The following ARPC1A variants were observed in gnomAD, a reference collection of about 807,000 sequenced individuals.
ARPC1A encodes actin related protein 2/3 complex subunit 1A, also known as actin-related protein 2/3 complex subunit 1A.
ARPC1A carries 8 observed loss-of-function variants against 46.9 expected under a neutral mutation model. The ratio of observed to expected loss-of-function variants is 0.17; its 90% CI spans 0.10 to 0.31. The LOEUF (loss-of-function observed/expected upper bound fraction) is 0.31, where lower values mean the gene tolerates loss of function less well. Ranked by LOEUF, ARPC1A falls within the 10% of genes least tolerant of loss-of-function variation. The probability of loss-of-function intolerance (pLI) is 1.00; values close to 1 mark genes in which losing one functional copy is unlikely to be tolerated. For missense variants in ARPC1A, 286 were observed against 483.6 expected, an observed-to-expected ratio of 0.59 and a Z score of 3.83; for synonymous variants, 152 against 169.0, an observed-to-expected ratio of 0.90 and a Z score of 0.78.
chr7:99,348,758 G>T, intron 4 of ARPC1A, 94 bp from the exon 5 acceptor site: 1 of 762,100 alleles, frequency 1.3e-6, no homozygotes, highest in Non-Finnish European at 2.1e-6. Context: ...GGAAAAGTGT[G>T]GCCTACTTAG....
intron 6 of ARPC1A, among the ~76,000 whole-genome samples, chr7:99,355,442 C>CACTTAA (rs1294167239): frequency 6.6e-6 from 1 of 152,056 alleles, no homozygotes; most frequent in East Asian, 1.9e-4. Flanking sequence ...TGATAAGGGT[C>CACTTAA]ACTTAAAAAG....
At chr7:99,363,920 T>G (rs896741087) in intron 9 of ARPC1A, among the ~76,000 whole-genome samples, 1 of 152,204 alleles carries the variant, frequency 6.6e-6, no homozygotes, top group African/African-American at 2.4e-5. Flanking sequence ...CAGTTTAATG[T>G]CCTAATGTAA....
chr7:99,343,482 AG>A (rs1793389342), intron 3 of ARPC1A, among the ~76,000 whole-genome samples: 1 of 151,378 alleles, frequency 6.6e-6, no homozygotes, highest in Non-Finnish European at 1.5e-5. Flanking sequence ...AAAAAAAGAA[AG>A]AAAAGAAAAG....
intron 8 of ARPC1A, among the ~76,000 whole-genome samples, chr7:99,362,328 C>T (rs1236653514): frequency 1.4e-5 from 2 of 142,704 alleles, no homozygotes; most frequent in African/African-American, 5.5e-5. Flanking sequence ...ATGTAAAACC[C>T]CGCCCCCCTT....
At chr7:99,327,304 A>T (rs182243515) in intron 1 of ARPC1A, among the ~76,000 whole-genome samples, 1 of 141,752 alleles carries the variant, frequency 7.1e-6, no homozygotes, top group African/African-American at 2.6e-5. Context: ...GCTAATTTTC[A>T]TTTATTTTTA....
intron 9 of ARPC1A, among the ~76,000 whole-genome samples, chr7:99,364,266 C>G (rs1242197422): frequency 7.3e-6 from 1 of 136,642 alleles, no homozygotes; most frequent in Non-Finnish European, 1.5e-5. Context: ...GGAGATCTCT[C>G]TCTTTTTTTT....
chr7:99,338,312 T>A, intron 3 of ARPC1A, 27 bp downstream of exon 3: 1 of 1,530,974 alleles, frequency 6.5e-7, no homozygotes, highest in Non-Finnish European at 9.0e-7. Context: ...GTGAGCTTAG[T>A]GTGATATTTC....
chr7:99,333,270 G>C, intron 1 of ARPC1A, 55 bp from the exon 2 acceptor site: 1 of 1,088,412 alleles, frequency 9.2e-7, no homozygotes, highest in Non-Finnish European at 1.4e-6. Flanking sequence ...CTTAAACATT[G>C]GTTACTTGCC....
At chr7:99,328,703 A>G (rs1297756067) in intron 1 of ARPC1A, among the ~76,000 whole-genome samples, 2 of 151,934 alleles carry the variant, frequency 1.3e-5, no homozygotes, top group African/African-American at 2.4e-5. Flanking sequence ...CAATCTTAAC[A>G]CTTTGGGAGG....
intron 4 of ARPC1A, among the ~76,000 whole-genome samples, chr7:99,348,362 C>A (rs539199672): frequency 6.6e-6 from 1 of 152,272 alleles, no homozygotes; most frequent in African/African-American, 2.4e-5. Flanking sequence ...ACATCAGGGC[C>A]AGGAGTGGAG....
intron 2 of ARPC1A, among the ~76,000 whole-genome samples, chr7:99,336,679 A>G (rs1283538078): frequency 6.6e-6 from 1 of 151,918 alleles, no homozygotes; most frequent in African/African-American, 2.4e-5. Flanking sequence ...TTTTTAGCAG[A>G]GACGGGGTTT....
intron 2 of ARPC1A, among the ~76,000 whole-genome samples, chr7:99,334,420 T>C (rs1323223925): frequency 6.6e-6 from 1 of 151,620 alleles, no homozygotes; most frequent in East Asian, 1.9e-4. Context: ...AAGAGCAGGA[T>C]TGGGGAGAAA....
At chr7:99,334,067 G>A (rs923200674) in intron 2 of ARPC1A, among the ~76,000 whole-genome samples, 55 of 144,496 alleles carry the variant, frequency 3.8e-4, no homozygotes, top group African/African-American at 1.1e-3. Flanking sequence ...ACAGAGTCTC[G>A]CTTTGTCACA....
intron 9 of ARPC1A, among the ~76,000 whole-genome samples, chr7:99,364,079 C>G (rs1793786323): frequency 6.6e-6 from 1 of 152,036 alleles, no homozygotes; most frequent in Admixed American, 6.6e-5. Context: ...CTCAGTCTCC[C>G]AAGTAGTTGG....
chr7:99,333,120 C>A (rs1253664580), intron 1 of ARPC1A, among the ~76,000 whole-genome samples: 2 of 152,178 alleles, frequency 1.3e-5, no homozygotes, highest in Admixed American at 1.3e-4. Context: ...TGGTCTTGAA[C>A]TCCTGACCTT....
intron 7 of ARPC1A, 92 bp downstream of exon 7, chr7:99,358,507 G>T: frequency 3.4e-5 from 29 of 845,052 alleles, no homozygotes; most frequent in Middle Eastern, 3.0e-4. Context: ...GCACAAAGCA[G>T]AACAGTTTTT....
chr7:99,338,575 T>G (rs1272219863), intron 3 of ARPC1A, among the ~76,000 whole-genome samples: 1 of 151,560 alleles, frequency 6.6e-6, no homozygotes, highest in East Asian at 1.9e-4. Context: ...TTAGTAGAGA[T>G]AGGTTTCACC....
chr7:99,334,762 ACC>A (rs1793211017), intron 2 of ARPC1A, among the ~76,000 whole-genome samples: 1 of 151,700 alleles, frequency 6.6e-6, no homozygotes, highest in Non-Finnish European at 1.5e-5. Flanking sequence ...GCTTACTGCA[ACC>A]TCCGCCTCCC....
At chr7:99,343,608 C>T (rs1276568964) in intron 3 of ARPC1A, among the ~76,000 whole-genome samples, 1 of 152,124 alleles carries the variant, frequency 6.6e-6, no homozygotes, top group Non-Finnish European at 1.5e-5. Context: ...TGGGATTCTT[C>T]ACAGAGGTAC....
Sources: allele counts gnomAD v4.1 joint callset (sites outside exome capture counted in the v4.1 genomes callset), GRCh38; gene constraint gnomAD v4.1.1; transcripts MANE v1.5; gene names NCBI Gene and HGNC (gene_info 2026-07-23, HGNC 2026-07-21).